NEIL3: variants seen among roughly 807,000 people sequenced by gnomAD.
NEIL3 encodes the protein nei like DNA glycosylase 3, also known as endonuclease 8-like 3.
Under a neutral mutation model 57.5 loss-of-function variants are expected in NEIL3, and 48 were observed. That is an observed-to-expected ratio of 0.83 (90% CI 0.66 to 1.06). The LOEUF is 1.06. Ranked by LOEUF, NEIL3 falls within the 50% of genes least tolerant of loss-of-function variation. NEIL3 has a pLI of 0.00. For synonymous variants in NEIL3, 261 were observed against 253.2 expected (o/e 1.03, Z -0.29); for missense variants, 717 against 739.1 (o/e 0.97, Z 0.35).
chr4:177,324,339 C>A (rs549865405), intron 2 of NEIL3, among the ~76,000 whole-genome samples: 3 of 152,108 alleles, frequency 2.0e-5, no homozygotes, highest in Non-Finnish European at 4.4e-5. Flanking sequence ...AGCAAAATTG[C>A]CCGCAGAGTT....
At chr4:177,342,099 C>T (rs1735107701) in intron 6 of NEIL3, among the ~76,000 whole-genome samples, 1 of 152,142 alleles carries the variant, frequency 6.6e-6, no homozygotes, top group South Asian at 2.1e-4. Context: ...TATGTCTCTT[C>T]CAATGATACA....
At position 177,336,218 on chromosome 4, in the gene NEIL3, G is replaced by A. The variant is rs201257637; in HGVS notation, c.524G>A (p.Arg175Gln). The A allele has an allele frequency of 2.3e-5, 37 of 1,613,942 alleles. No individual in the cohort carries two copies. The highest frequency in any genetic ancestry group is 1.9e-4 in the South Asian group (17 of 91,086). ...AESEVKKQKG[R>Q]MLGDVLMDQN... ...AGTGAAGTTAAAAAACAGAAAGGCC[G>A]GATGCTAGGTGATGTGCTAATGGAT... Residue 175 changes from arginine to glutamine, a missense_variant, in exon 4 of 10, where the codon CGG (arginine) becomes CAG (glutamine). Coordinates refer to ENST00000264596, the MANE Select transcript of NEIL3 (RefSeq NM_018248.3).
At chr4:177,345,966 C>T (rs1048461659) in intron 6 of NEIL3, among the ~76,000 whole-genome samples, 1 of 152,084 alleles carries the variant, frequency 6.6e-6, no homozygotes, top group Non-Finnish European at 1.5e-5. Context: ...GACAGGATTA[C>T]AGGCATGAAC....
At position 177,323,999 on chromosome 4, in the gene NEIL3, C is replaced by T. The variant is rs556858087; in HGVS notation, c.278+1419C>T. Among the ~76,000 whole-genome samples, 3 of 152,234 alleles carry T rather than the reference C, an allele frequency of 2.0e-5. No individual in the cohort carries two copies. The East Asian group carries it at 5.8e-4, about 29-fold the overall frequency. The stretch of plus-strand genomic sequence containing the variant: ...TTGCTTCCTTTCAGTTTCCTGCAGC[C>T]ATAACAACTATTGGATGTAACAATT... On this transcript the variant is annotated intron_variant, in intron 2 of 9. Coordinates refer to ENST00000264596, the MANE Select transcript of NEIL3 (RefSeq NM_018248.3).
rs141877902 is a variant in NEIL3 at position 177,341,480 on chromosome 4, G to A, written c.707G>A (p.Arg236His). ...TTTGGTTTTTTTTTTTTTTAGTGCC[G>A]TAAAGCAGGACTTGCTCTCTCTAAA... is the stretch of plus-strand genomic sequence containing the variant. ...RDFSILFYRC[R>H]KAGLALSKHY... The change falls in exon 6 of 10, where the codon CGT (arginine) becomes CAT (histidine). Residue 236 changes from arginine (R) to histidine (H), a missense_variant. Coordinates refer to ENST00000264596, the MANE Select transcript of NEIL3 (RefSeq NM_018248.3). 54 of 1,549,128 alleles carry A rather than the reference G, an allele frequency of 3.5e-5. No individual in the cohort carries two copies. The highest frequency in any genetic ancestry group is 2.1e-4 in the African/African-American group (15 of 70,606).
intron 8 of NEIL3, 66 bp downstream of exon 8, chr4:177,353,794 C>G: frequency 2.2e-6 from 3 of 1,344,886 alleles, no homozygotes; most frequent in Non-Finnish European, 3.1e-6. Context: ...AAGACGAGGT[C>G]TCACTCTGTC....
intron 2 of NEIL3, among the ~76,000 whole-genome samples, chr4:177,333,730 T>C (rs1232219919): frequency 6.6e-6 from 1 of 152,182 alleles, no homozygotes; most frequent in Non-Finnish European, 1.5e-5. Context: ...ACAGCTCTCA[T>C]ATGAGATCTC....
At chr4:177,326,450 G>A (rs532928997) in intron 2 of NEIL3, among the ~76,000 whole-genome samples, 1 of 151,024 alleles carries the variant, frequency 6.6e-6, no homozygotes, top group Non-Finnish European at 1.5e-5. Context: ...ATAATACACT[G>A]TCTTAATTAA....
intron 8 of NEIL3, among the ~76,000 whole-genome samples, chr4:177,356,636 T>A (rs367736140): frequency 6.6e-6 from 1 of 152,218 alleles, no homozygotes; most frequent in East Asian, 1.9e-4. Context: ...GCCAGTTTAT[T>A]TTTTCTTTAA....
intron 4 of NEIL3, among the ~76,000 whole-genome samples, chr4:177,339,487 T>C (rs1735043852): frequency 6.6e-6 from 1 of 152,126 alleles, no homozygotes. Context: ...ATAAGGATTA[T>C]ATTTACTACT....
rs760835001 is a variant in NEIL3, at chr4:177,336,156, T to C, written c.462T>C (p.Asp154=). The C allele has an allele frequency of 6.2e-7, 1 of 1,613,834 alleles. No homozygotes were observed. Among genetic ancestry groups the C allele is most frequent in the South Asian group, 1.1e-5 (1 of 91,072 alleles). The part of the protein sequence containing the change: ...QQRIRMMKEL[D]VCSPEFSFLR... ...GAATAAGAATGATGAAAGAATTAGA[T>C]GTATGTTCACCTGAATTTAGTTTCT... Residue 154 remains aspartate, a synonymous_variant, in exon 4 of 10, where the codon GAT becomes GAC. Transcript: ENST00000264596.
Position 177,341,459 on chromosome 4 carries a change from G to T in NEIL3, c.703-17G>T, listed in dbSNP as rs200279014. On this transcript the variant is annotated splice_polypyrimidine_tract_variant and intron_variant, in intron 5 of 9. Coordinates refer to ENST00000264596, the MANE Select transcript of NEIL3 (RefSeq NM_018248.3). ...GTTTTGTGGATAACAGAATTTTTTG[G>T]TTTTTTTTTTTTTTAGTGCCGTAAA... 5.3e-5 allele frequency: 77 copies of T among 1,441,328 alleles called. No individual in the cohort carries two copies. The highest frequency in any genetic ancestry group is 3.9e-4 in the Middle Eastern group (2 of 5,166). 89.3% of individuals were successfully genotyped at this position (1,441,328 alleles called of 1,614,324 possible). A position where few individuals can be genotyped will look rare whatever the true frequency, so the allele number is the denominator to read the frequency against.
chr4:177,314,804 G>A (rs560083295), intron 1 of NEIL3, among the ~76,000 whole-genome samples: 14 of 152,212 alleles, frequency 9.2e-5, no homozygotes, highest in African/African-American at 2.9e-4. Context: ...TAGGCCGGGC[G>A]CGGTGGCTCA....
chr4:177,346,252 G>A (rs1232441533), intron 6 of NEIL3, among the ~76,000 whole-genome samples: 1 of 151,818 alleles, frequency 6.6e-6, no homozygotes. Flanking sequence ...CTGTGATCTC[G>A]AACTCCTGGG....
At chr4:177,329,590 G>A (rs1382240136) in intron 2 of NEIL3, among the ~76,000 whole-genome samples, 2 of 152,166 alleles carry the variant, frequency 1.3e-5, no homozygotes, top group African/African-American at 2.4e-5. Context: ...AGAACTGCTA[G>A]AATGGAAAGG....
At chr4:177,312,499 T>A (rs1734495289) in intron 1 of NEIL3, among the ~76,000 whole-genome samples, 1 of 152,156 alleles carries the variant, frequency 6.6e-6, no homozygotes, top group South Asian at 2.1e-4. Flanking sequence ...GTCAATTCTC[T>A]TATATCTATT....
the NEIL3 span, among the ~76,000 whole-genome samples, chr4:177,370,205 C>T: frequency 1.1e-4 from 16 of 152,244 alleles, no homozygotes; most frequent in African/African-American, 2.6e-4. Context: ...TCATACATGA[C>T]GAATTTTGAG....
At chr4:177,369,096 C>T in the NEIL3 span, among the ~76,000 whole-genome samples, 61 of 152,196 alleles carry the variant, frequency 4.0e-4, no homozygotes, top group African/African-American at 1.3e-3. Context: ...ATTTTTAAAG[C>T]GATCTTGCAG....
rs1285046452 is a variant in NEIL3, at chr4:177,362,302, C to T, written c.1649C>T (p.Ser550Phe). Residue 550 changes from serine (S) to phenylalanine (F), a missense_variant, in exon 10 of 10, where the codon TCC (serine) becomes TTC (phenylalanine). Physicochemically the swap from Ser to Phe is radical, Grantham distance 155 (BLOSUM62 -2). Transcript: ENST00000264596. ...TTTTTCCTGCAGTGGGCAGATTTGT[C>T]CTTCCCATTCTGCAACCATGGCAAG... is the stretch of plus-strand genomic sequence containing the variant. Reference protein sequence around the residue: ...QCGFFEWADLSFPFCNHGKRS... With the variant: ...QCGFFEWADLFFPFCNHGKRS... 1.2e-6 allele frequency: 2 copies of T among 1,602,794 alleles called. No individual in the cohort carries two copies. The highest frequency in any genetic ancestry group is 2.3e-5 in the South Asian group (2 of 88,286).
Sources: allele counts gnomAD v4.1 joint callset (sites outside exome capture counted in the v4.1 genomes callset), GRCh38; gene constraint gnomAD v4.1.1; transcripts MANE v1.5; gene names NCBI Gene and HGNC (gene_info 2026-07-23, HGNC 2026-07-21).